Variants in ZEB1 observed in about 807,000 individuals in gnomAD.
The protein encoded by ZEB1 is zinc finger E-box-binding homeobox 1.
Under a neutral mutation model 84.9 loss-of-function variants are expected in ZEB1, and 21 were observed. The ratio of observed to expected loss-of-function variants is 0.25; its 90% CI spans 0.18 to 0.36. The LOEUF is 0.36. Ranked by LOEUF, ZEB1 falls within the 10% of genes least tolerant of loss-of-function variation. The pLI, the probability that ZEB1 is intolerant of heterozygous loss-of-function variation, is 1.00. For synonymous variants in ZEB1, 420 were observed against 471.1 expected, an observed-to-expected ratio of 0.89 and a Z score of 1.41; for missense variants, 1,104 against 1,330.2, an observed-to-expected ratio of 0.83 and a Z score of 2.65.
intron 2 of ZEB1, among the ~76,000 whole-genome samples, chr10:31,467,354 C>T (rs1042437105): frequency 2.0e-5 from 3 of 152,104 alleles, no homozygotes; most frequent in South Asian, 2.1e-4. Context: ...GCCCTGCATC[C>T]GAGCGGCTAC....
chr10:31,482,814 A>T (rs1196099603), intron 2 of ZEB1, among the ~76,000 whole-genome samples: 21 of 152,084 alleles, frequency 1.4e-4, no homozygotes, highest in Admixed American at 1.3e-3. Flanking sequence ...AAGGAAAAAT[A>T]TTGGAATATA....
chr10:31,331,029 T>A (rs1248509852), intron 1 of ZEB1, among the ~76,000 whole-genome samples: 1 of 151,574 alleles, frequency 6.6e-6, no homozygotes, highest in Non-Finnish European at 1.5e-5. Flanking sequence ...AGAAAAAGCA[T>A]TGAACTGGGA....
chr10:31,428,177 C>G (rs1042559917), intron 1 of ZEB1, among the ~76,000 whole-genome samples: 2 of 152,154 alleles, frequency 1.3e-5, no homozygotes, highest in African/African-American at 4.8e-5. Context: ...AACTCGAGAT[C>G]TATCTTTTCG....
intron 1 of ZEB1, among the ~76,000 whole-genome samples, chr10:31,337,925 C>T (rs967555042): frequency 2.0e-5 from 3 of 152,128 alleles, no homozygotes; most frequent in African/African-American, 7.2e-5. Context: ...CCTCATGATC[C>T]ACCTGCCTTG....
intron 1 of ZEB1, among the ~76,000 whole-genome samples, chr10:31,349,235 T>C: frequency 6.6e-6 from 1 of 152,342 alleles, no homozygotes; most frequent in African/African-American, 2.4e-5. Flanking sequence ...TCCGTGTCGT[T>C]GCAACTGACA....
At chr10:31,328,582 T>C (rs900451506) in intron 1 of ZEB1, among the ~76,000 whole-genome samples, 5 of 152,174 alleles carry the variant, frequency 3.3e-5, no homozygotes, top group African/African-American at 1.2e-4. Flanking sequence ...TGTGTAACTT[T>C]GACATTTAAC....
chr10:31,484,936 G>A (rs1220434984), intron 2 of ZEB1, among the ~76,000 whole-genome samples: 2 of 151,874 alleles, frequency 1.3e-5, no homozygotes, highest in African/African-American at 4.8e-5. Flanking sequence ...CTTTTGCAAT[G>A]ATGTTGTAAT....
intron 1 of ZEB1, among the ~76,000 whole-genome samples, chr10:31,362,486 G>A (rs574044840): frequency 2.7e-4 from 39 of 146,810 alleles, no homozygotes; most frequent in African/African-American, 7.6e-4. Context: ...CAGACAGGGC[G>A]GCGGCCTGGC....
chr10:31,421,003 G>T (rs117456954), intron 1 of ZEB1, among the ~76,000 whole-genome samples: 2,724 of 152,192 alleles, frequency 0.018, 36 homozygotes, highest in Non-Finnish European at 0.022. Flanking sequence ...TAAAAATAAA[G>T]CTAAGAGCAG....
intron 1 of ZEB1, among the ~76,000 whole-genome samples, chr10:31,440,102 G>A (rs759998618): frequency 2.0e-5 from 3 of 152,128 alleles, no homozygotes; most frequent in Non-Finnish European, 2.9e-5. Context: ...ATTTTTATAG[G>A]TATTTCCTTC....
At chr10:31,362,163 C>T (rs747228497) in intron 1 of ZEB1, among the ~76,000 whole-genome samples, 28 of 146,570 alleles carry the variant, frequency 1.9e-4, no homozygotes, top group African/African-American at 3.1e-4. Flanking sequence ...GATGGGGCGG[C>T]GGCTGGGCAG....
At chr10:31,512,252 A>G (rs2070211558) in intron 5 of ZEB1, among the ~76,000 whole-genome samples, 1 of 152,322 alleles carries the variant, frequency 6.6e-6, no homozygotes, top group African/African-American at 2.4e-5. Flanking sequence ...TCCAAGGGCC[A>G]TCGTGAAAGG....
In ZEB1 at chr10:31,411,728, A is replaced by C. The variant is rs984497787; in HGVS notation, c.59-49309A>C. ...CTCCCACAAGAGAAAGCAGGAAAGA[A>C]CTAAAATCGACACCCTAACCTAGGC... On this transcript the variant is annotated intron_variant, in intron 1 of 8. Transcript: ENST00000424869. Among the ~76,000 whole-genome samples, 14 of 151,348 alleles carry C rather than the reference A, an allele frequency of 9.3e-5. 1 individual carries two copies. The highest frequency in any genetic ancestry group is 3.4e-4 in the African/African-American group (14 of 41,260).
intron 2 of ZEB1, among the ~76,000 whole-genome samples, chr10:31,480,948 G>T (rs1449497686): frequency 1.3e-5 from 2 of 151,688 alleles, no homozygotes; most frequent in Non-Finnish European, 2.9e-5. Context: ...TTTTTTGAGG[G>T]AATAGGAAAC....
chr10:31,497,355 A>G (rs924285417), intron 3 of ZEB1, among the ~76,000 whole-genome samples: 1 of 152,114 alleles, frequency 6.6e-6, no homozygotes, highest in Non-Finnish European at 1.5e-5. Flanking sequence ...GAAGTACTGA[A>G]TAGTATGTAA....
At chr10:31,365,425 A>C (rs139807383) in intron 1 of ZEB1, among the ~76,000 whole-genome samples, 3 of 152,206 alleles carry the variant, frequency 2.0e-5, no homozygotes, top group Admixed American at 6.5e-5. Context: ...AATTGAAACC[A>C]TCTATATTCA....
chr10:31,500,617 C>A (rs1488881641), intron 3 of ZEB1, among the ~76,000 whole-genome samples: 1 of 152,124 alleles, frequency 6.6e-6, no homozygotes, highest in Non-Finnish European at 1.5e-5. Flanking sequence ...TCCTTTGGCA[C>A]CCTGGAGGAC....
Position 31,527,231 on chromosome 10 carries a change from G to C in ZEB1, c.3345G>C (p.Glu1115Asp). The C allele has an allele frequency of 6.2e-7, 1 of 1,609,478 alleles. No individual in the cohort carries two copies. Among genetic ancestry groups the C allele is most frequent in the Non-Finnish European group, 8.5e-7 (1 of 1,178,332 alleles). ...SLGQKVGESS[E>D]QVSEEKTNEA ...GACAAAAAGTAGGCGAGAGTAGTGA[G>C]CAAGTGTCTGAAGAAAAGACAAATG... The change falls in exon 9 of 9, where the codon GAG becomes GAC. Residue 1115 changes from glutamate to aspartate, a missense_variant. Physicochemically the swap from Glu to Asp is conservative, Grantham distance 45. This residue lies in a region of ZEB1 where 173 missense variants were observed against 167.0 expected (regional missense o/e 1.04). Transcript: ENST00000424869.
At chr10:31,489,382 T>C (rs2066183930) in intron 2 of ZEB1, among the ~76,000 whole-genome samples, 1 of 151,338 alleles carries the variant, frequency 6.6e-6, no homozygotes, top group African/African-American at 2.4e-5. Context: ...TTTTTGTAGA[T>C]AGGATATTAA....
Sources: allele counts gnomAD v4.1 joint callset (sites outside exome capture counted in the v4.1 genomes callset), GRCh38; gene constraint gnomAD v4.1.1; regional missense constraint gnomAD v4.1.1; transcripts MANE v1.5; gene names NCBI Gene and HGNC (gene_info 2026-07-23, HGNC 2026-07-21).